Variants in TCF7L2 observed in about 807,000 individuals in gnomAD.
TCF7L2 encodes transcription factor 7 like 2.
Under a neutral mutation model 77.9 loss-of-function variants are expected in TCF7L2, and 23 were observed. The ratio of observed to expected loss-of-function variants is 0.30; its 90% CI spans 0.21 to 0.42. The LOEUF (loss-of-function observed/expected upper bound fraction) is 0.42. TCF7L2 is among the 10% of genes least tolerant of loss of function. The pLI is 1.00. For missense variants in TCF7L2, 654 were observed against 793.1 expected (o/e 0.82, Z 2.11); for synonymous variants, 413 against 340.2 (o/e 1.21, Z -2.36).
intron 6 of TCF7L2, 143 bp from the exon 7 acceptor site, chr10:113,143,780 C>A (rs1209946069): frequency 3.2e-6 from 2 of 619,736 alleles, no homozygotes; most frequent in Non-Finnish European, 5.5e-6. Context: ...ACCAACAACT[C>A]AGGATTTATA....
chr10:113,063,787 A>G (rs894328948), intron 5 of TCF7L2, among the ~76,000 whole-genome samples: 1 of 152,144 alleles, frequency 6.6e-6, no homozygotes, highest in African/African-American at 2.4e-5. Context: ...TCTTTAGGAA[A>G]AGGGGAAGGT....
At chr10:113,126,956 T>C (rs2065745007) in intron 5 of TCF7L2, 4 of 980,368 alleles carry the variant, frequency 4.1e-6, no homozygotes, top group Non-Finnish European at 4.9e-6. Flanking sequence ...GCGCCTGCCC[T>C]GCTGCGTCCA....
intron 5 of TCF7L2, among the ~76,000 whole-genome samples, chr10:113,112,127 G>A (rs2063209747): frequency 6.6e-6 from 1 of 152,246 alleles, no homozygotes; most frequent in Non-Finnish European, 1.5e-5. Context: ...CATGGCAGCA[G>A]GAACATTGGC....
At chr10:112,955,846 AT>A (rs1180101736) in intron 3 of TCF7L2, among the ~76,000 whole-genome samples, 4 of 152,174 alleles carry the variant, frequency 2.6e-5, no homozygotes, top group East Asian at 1.9e-4. Flanking sequence ...ATTGAAAAAA[AT>A]ATTTGCTTTA....
At chr10:112,986,396 A>T (rs2041552634) in intron 4 of TCF7L2, among the ~76,000 whole-genome samples, 1 of 152,126 alleles carries the variant, frequency 6.6e-6, no homozygotes, top group Non-Finnish European at 1.5e-5. Context: ...GCTTACAGAG[A>T]TGATGTAAGC....
At chr10:113,070,419 G>A (rs577953422) in intron 5 of TCF7L2, among the ~76,000 whole-genome samples, 3 of 151,856 alleles carry the variant, frequency 2.0e-5, no homozygotes, top group African/African-American at 7.3e-5. Context: ...AATGTTTGGG[G>A]ACACCACTTT....
intron 11 of TCF7L2, among the ~76,000 whole-genome samples, chr10:113,153,279 T>C (rs112775103): frequency 6.6e-6 from 1 of 152,206 alleles, no homozygotes; most frequent in South Asian, 2.1e-4. Flanking sequence ...GCCCAGTAAC[T>C]CCGCTTTCCT....
chr10:113,002,127 G>C (rs994169883), intron 4 of TCF7L2, among the ~76,000 whole-genome samples: 2 of 152,198 alleles, frequency 1.3e-5, no homozygotes, highest in African/African-American at 4.8e-5. Context: ...TATGAAGCCT[G>C]TAGGTTGTGT....
intron 5 of TCF7L2, among the ~76,000 whole-genome samples, chr10:113,079,301 C>T (rs2059064906): frequency 6.6e-6 from 1 of 152,030 alleles, no homozygotes; most frequent in Admixed American, 6.6e-5. Flanking sequence ...TTGTTTTGTC[C>T]CGATTTGCCA....
At chr10:113,098,106 AG>A (rs1359696727) in intron 5 of TCF7L2, among the ~76,000 whole-genome samples, 1 of 151,014 alleles carries the variant, frequency 6.6e-6, no homozygotes. Context: ...TCGTACCTGA[AG>A]GGAAGGTAGG....
At chr10:113,062,255 T>G (rs1179117967) in intron 5 of TCF7L2, among the ~76,000 whole-genome samples, 2 of 152,174 alleles carry the variant, frequency 1.3e-5, no homozygotes, top group Admixed American at 1.3e-4. Context: ...ACCCCTGTGT[T>G]CTTTGCCTAC....
At chr10:113,137,930 G>A (rs1306704892) in intron 5 of TCF7L2, among the ~76,000 whole-genome samples, 1 of 152,210 alleles carries the variant, frequency 6.6e-6, no homozygotes, top group Admixed American at 6.5e-5. Context: ...TGTGATGTAG[G>A]AAGAAAGGGT....
At chr10:113,116,331 G>A (rs2063734290) in intron 5 of TCF7L2, among the ~76,000 whole-genome samples, 1 of 152,128 alleles carries the variant, frequency 6.6e-6, no homozygotes, top group African/African-American at 2.4e-5. Context: ...AGCACAATAG[G>A]ACTTTGTTCC....
chr10:113,051,426 C>G (rs991790722), intron 5 of TCF7L2, among the ~76,000 whole-genome samples: 1 of 152,134 alleles, frequency 6.6e-6, no homozygotes, highest in Non-Finnish European at 1.5e-5. Flanking sequence ...CAAAGGAATT[C>G]TAACTAATAG....
At chr10:113,160,361 TTTTA>T (rs1303868860) in intron 12 of TCF7L2, among the ~76,000 whole-genome samples, 4 of 152,036 alleles carry the variant, frequency 2.6e-5, no homozygotes, top group African/African-American at 4.8e-5. Flanking sequence ...CTCTCTCTCT[TTTTA>T]TTTATTTATT....
intron 4 of TCF7L2, among the ~76,000 whole-genome samples, chr10:112,979,128 A>T (rs1051416617): frequency 7.2e-5 from 11 of 151,888 alleles, no homozygotes; most frequent in African/African-American, 2.7e-4. Context: ...TTCATCTTTC[A>T]TGGAGTGGAC....
At chr10:113,015,109 C>T (rs2047119714) in intron 4 of TCF7L2, among the ~76,000 whole-genome samples, 1 of 152,182 alleles carries the variant, frequency 6.6e-6, no homozygotes. Flanking sequence ...TCTCCAGAAC[C>T]TATGAGGTGG....
chr10:113,160,526 G>T, intron 12 of TCF7L2: 1 of 1,156,930 alleles, frequency 8.6e-7, no homozygotes, highest in South Asian at 1.6e-5. Context: ...CAAGGTGATA[G>T]AGAAGAAAAG....
At chr10:113,142,415 C>T (rs1376065967) in intron 6 of TCF7L2, among the ~76,000 whole-genome samples, 1 of 152,208 alleles carries the variant, frequency 6.6e-6, no homozygotes, top group African/African-American at 2.4e-5. Context: ...GCCCCAGCAG[C>T]CTGGTGGGGT....
Sources: gnomAD v4.1 joint callset for allele counts (sites outside exome capture counted in the v4.1 genomes callset) on GRCh38, gnomAD v4.1.1 for gene constraint, MANE v1.5 for transcripts, NCBI Gene and HGNC (gene_info 2026-07-23, HGNC 2026-07-21) for gene names.